Variants in KIF21B observed in about 807,000 individuals in gnomAD.
KIF21B encodes the protein kinesin-like protein KIF21B.
Under a neutral mutation model 192.9 loss-of-function variants are expected in KIF21B, and 85 were observed. That is an observed-to-expected ratio of 0.44 (90% CI 0.37 to 0.53). The LOEUF is 0.53. Ranked by LOEUF, KIF21B falls within the 20% of genes least tolerant of loss-of-function variation. KIF21B has a pLI of 0.00. For missense variants in KIF21B, 1,716 were observed against 2,194.8 expected (o/e 0.78, Z 4.36); for synonymous variants, 832 against 884.6 (o/e 0.94, Z 1.05).
chr1:201,013,623 G>T (rs982646328), intron 1 of KIF21B, among the ~76,000 whole-genome samples: 1 of 152,178 alleles, frequency 6.6e-6, no homozygotes, highest in Non-Finnish European at 1.5e-5. Flanking sequence ...CTCACAAAGT[G>T]CTGGGATTAC....
intron 16 of KIF21B, 125 bp downstream of exon 16, chr1:200,992,157 T>C: frequency 1.3e-6 from 1 of 758,958 alleles, no homozygotes; most frequent in Non-Finnish European, 2.2e-6. Flanking sequence ...CCTCCAAGCA[T>C]GACCATTACC....
intron 3 of KIF21B, among the ~76,000 whole-genome samples, chr1:201,007,209 C>T (rs28615763): frequency 2.0e-5 from 3 of 149,650 alleles, no homozygotes; most frequent in Non-Finnish European, 4.4e-5. Flanking sequence ...GACACACACA[C>T]ACACAGAGAC....
In KIF21B at chr1:200,998,847, C is replaced by T. The variant is rs1011124143; in HGVS notation, c.1886-272G>A. ...CCCAGCCATTCGAGGCCAGCATCCA[C>T]CTGTTCCAGATGACATGGGACCAGC... On this transcript the variant is annotated intron_variant, in intron 13 of 34. Transcript: ENST00000461742. The surrounding 1 kb of genome is among the most constrained non-coding windows in gnomAD (Gnocchi z 4.3). 1.3e-5 allele frequency among the ~76,000 whole-genome samples: 2 copies of T among 152,188 alleles called. No individual in the cohort carries two copies. The highest frequency in any genetic ancestry group is 4.8e-5 in the African/African-American group (2 of 41,442).
chr1:201,013,862 GT>G (rs1034030385), intron 1 of KIF21B, among the ~76,000 whole-genome samples: 7 of 152,230 alleles, frequency 4.6e-5, no homozygotes, highest in African/African-American at 1.7e-4. Flanking sequence ...TGTCAGTAAA[GT>G]TTTGCGGCCC....
At chr1:200,977,988 C>G (rs1408997588) in intron 30 of KIF21B, among the ~76,000 whole-genome samples, 1 of 151,920 alleles carries the variant, frequency 6.6e-6, no homozygotes, top group African/African-American at 2.4e-5. Context: ...CCTGCCTCAG[C>G]CTCCCAAAGT....
chr1:200,996,403 C>T lies in KIF21B; in HGVS notation c.2078-8G>A, dbSNP rs200724989. The T allele has an allele frequency of 1.7e-5, 28 of 1,613,096 alleles. 1 individual carries two copies. The South Asian group carries it at 3.0e-4, about 17-fold the overall frequency. On this transcript the variant is annotated splice_polypyrimidine_tract_variant and splice_region_variant and intron_variant, in intron 14 of 34. Transcript: ENST00000461742. ...TATAGCACTCCATGGTGCCTGAGAG[C>T]AAGGAGACGCAGCTGTCGGTGCTGG...
chr1:200,990,401 A>G lies in KIF21B; in HGVS notation c.2836-69T>C. On this transcript the variant is annotated intron_variant, in intron 19 of 34. Coordinates refer to ENST00000461742, the MANE Select transcript of KIF21B (RefSeq NM_001252102.2). This position sits in a 1 kb window ranked among gnomAD's most constrained non-coding sequence, Gnocchi z 5.4. ...CTCAGGTAGCTGCCAAGCCCTGCCC[A>G]TAGCTTCCACCACAGGCTGGCCTGT... 6.6e-7 allele frequency: 1 copy of G among 1,506,548 alleles called. No homozygotes were observed. Among genetic ancestry groups the G allele is most frequent in the Non-Finnish European group, 9.0e-7 (1 of 1,114,562 alleles). The allele number at this position is 1,506,548 out of a possible 1,614,324, so 93.3% of individuals were successfully genotyped here. A position where few individuals can be genotyped will look rare whatever the true frequency, so the allele number is the denominator to read the frequency against.
At position 201,023,370 on chromosome 1, in the gene KIF21B, C is replaced by T. The variant is rs1451627271; in HGVS notation, c.14G>A (p.Gly5Glu). 4.5e-5 allele frequency: 68 copies of T among 1,527,912 alleles called. No individual in the cohort carries two copies. The highest frequency in any genetic ancestry group is 5.6e-5 in the Non-Finnish European group (64 of 1,140,050). 94.6% of individuals were successfully genotyped at this position (1,527,912 alleles called of 1,614,324 possible). Residue 5 changes from glycine to glutamate, a missense_variant, in exon 1 of 35, where the codon GGG becomes GAG. Physicochemically the swap from Gly to Glu is moderately conservative, Grantham distance 98. This residue lies in a region of KIF21B where 1,087 missense variants were observed against 1,316.6 expected (regional missense o/e 0.83). Coordinates refer to ENST00000461742, the MANE Select transcript of KIF21B (RefSeq NM_001252102.2). The surrounding 1 kb of genome is among the most constrained non-coding windows in gnomAD (Gnocchi z 5.9). MAGQ[G>E]DCCVKVAVRI... Reference sequence around the variant, plus strand: ...GACGGCCACCTTGACGCAGCAGTCCCCCTGGCCGGCCATGGCCCTCTGGAG... The same window carrying T: ...GACGGCCACCTTGACGCAGCAGTCCTCCTGGCCGGCCATGGCCCTCTGGAG...
chr1:200,984,839 T>G lies in KIF21B; in HGVS notation c.3803+20A>C, dbSNP rs374540738. On this transcript the variant is annotated intron_variant, in intron 27 of 34. Coordinates refer to ENST00000461742, the MANE Select transcript of KIF21B (RefSeq NM_001252102.2). The stretch of plus-strand genomic sequence containing the variant: ...TGCCACCTCAGTGCCCTCCCCCACT[T>G]GCCCTCCAGCCCTGCTTACTTGTCC... 2 of 1,503,420 alleles carry G rather than the reference T, an allele frequency of 1.3e-6. No homozygotes were observed. The highest frequency in any genetic ancestry group is 1.8e-6 in the Non-Finnish European group (2 of 1,119,860). The allele number at this position is 1,503,420 out of a possible 1,614,324, so 93.1% of individuals were successfully genotyped here.
Position 200,975,963 on chromosome 1 carries a change from C to T in KIF21B, c.4444-294G>A, listed in dbSNP as rs1246516199. 6.6e-6 allele frequency among the ~76,000 whole-genome samples: 1 copy of T among 152,174 alleles called. No homozygotes were observed. Among genetic ancestry groups the T allele is most frequent in the Non-Finnish European group, 1.5e-5 (1 of 68,030 alleles). On this transcript the variant is annotated intron_variant, in intron 32 of 34. Transcript: ENST00000461742. This position sits in a 1 kb window ranked among gnomAD's most constrained non-coding sequence, Gnocchi z 4.3. ...GGTGAATCAGCTCATCACGCCGAGA[C>T]CCCACAGCTCAACAGGCAGCTGCTA...
chr1:200,988,131 C>G (rs1292660473), intron 24 of KIF21B, among the ~76,000 whole-genome samples, 165 bp downstream of exon 24: 1 of 152,226 alleles, frequency 6.6e-6, no homozygotes, highest in Admixed American at 6.5e-5. Context: ...GGTTACATAT[C>G]TGGACAACCC....
intron 1 of KIF21B, among the ~76,000 whole-genome samples, chr1:201,022,092 C>T (rs575830228): frequency 1.3e-5 from 2 of 152,340 alleles, no homozygotes; most frequent in African/African-American, 4.8e-5. Flanking sequence ...CAATCTCCTT[C>T]CCTTCACCCA....
chr1:201,023,485 G>A lies in KIF21B; in HGVS notation c.-102C>T. The A allele has an allele frequency of 1.3e-6, 1 of 791,932 alleles. No individual in the cohort carries two copies. The highest frequency in any genetic ancestry group is 1.7e-6 in the Non-Finnish European group (1 of 592,284). 49.1% of individuals were successfully genotyped at this position (791,932 alleles called of 1,614,324 possible). Reference sequence around the variant, plus strand: ...CTGCGGGAGGCGGGGGCGCGGGCGCGGCTGGCGGAGGCTGCGGCGGCGGCG... The same window carrying A: ...CTGCGGGAGGCGGGGGCGCGGGCGCAGCTGGCGGAGGCTGCGGCGGCGGCG... On this transcript the variant is annotated 5_prime_UTR_variant, in exon 1 of 35. Coordinates refer to ENST00000461742, the MANE Select transcript of KIF21B (RefSeq NM_001252102.2). This position sits in a 1 kb window ranked among gnomAD's most constrained non-coding sequence, Gnocchi z 5.9.
Position 200,992,299 on chromosome 1 carries a change from CCTT to C in KIF21B, c.2365_2367del (p.Lys789del). 1 of 1,612,472 alleles carries C rather than the reference CCTT, an allele frequency of 6.2e-7. No individual in the cohort carries two copies. The highest frequency in any genetic ancestry group is 8.5e-7 in the Non-Finnish European group (1 of 1,180,032). ...CCCCTCACCTCCTGTCGCCGCTGCT[CCTT>C]CTTGAGCTGTGCGATCTCCCGGTTC... On this transcript the variant is annotated inframe_deletion, in exon 16 of 35. Coordinates refer to ENST00000461742, the MANE Select transcript of KIF21B (RefSeq NM_001252102.2).
Position 200,982,872 on chromosome 1 carries a change from C to T in KIF21B, c.3842+184G>A, listed in dbSNP as rs116347421. ...GGCGCAGTCCAAGGCCTTGTGGCCA[C>T]CCTGAGAGAGAGGAACCATGGGGGC... is the stretch of plus-strand genomic sequence containing the variant. On this transcript the variant is annotated intron_variant, in intron 28 of 34. Transcript: ENST00000461742. The surrounding 1 kb of genome is among the most constrained non-coding windows in gnomAD (Gnocchi z 4.7). 7.7e-3 allele frequency among the ~76,000 whole-genome samples: 1,177 copies of T among 152,238 alleles called. 23 individuals are homozygous for T. Among genetic ancestry groups the T allele is most frequent in the African/African-American group, 0.027 (1,137 of 41,534 alleles).
chr1:201,008,863 G>C lies in KIF21B; in HGVS notation c.353C>G (p.Ala118Gly), dbSNP rs922165535. 4 of 1,611,028 alleles carry C rather than the reference G, an allele frequency of 2.5e-6. No homozygotes were observed. In the African/African-American group the frequency reaches 5.3e-5, roughly 21 times the overall value. ...EEQGIIPRAIAHLFGGIAERK... is the reference protein window; with the variant it reads ...EEQGIIPRAIGHLFGGIAERK... ...CTCGGCAATGCCCCCAAAGAGGTGT[G>C]CGATGGCCCTCGGGATGATGCCCTG... is the stretch of plus-strand genomic sequence containing the variant. Residue 118 changes from alanine (A) to glycine (G), a missense_variant, in exon 3 of 35, where the codon GCA (alanine) becomes GGA (glycine). Transcript: ENST00000461742.
rs756009458 is a variant in KIF21B, at chr1:200,973,578, A to G, written c.4815T>C (p.Ser1605=). ...CACTCCAGAACTTCACCGTCAGGTC[A>G]CTGGGGTGGAGGACAAAGTGGAGGG... ...TNAKHIFTAS[S]DLTVKFWSVR... is the part of the protein sequence containing the mutation. Residue 1605 remains serine, a splice_region_variant and synonymous_variant, in exon 35 of 35, where the codon AGT becomes AGC. Transcript: ENST00000461742. The G allele has an allele frequency of 6.6e-7, 1 of 1,519,404 alleles. No homozygotes were observed. The highest frequency in any genetic ancestry group is 1.2e-5 in the South Asian group (1 of 81,760). The allele number at this position is 1,519,404 out of a possible 1,614,324, so 94.1% of individuals were successfully genotyped here. A position where few individuals can be genotyped will look rare whatever the true frequency, so the allele number is the denominator to read the frequency against.
chr1:201,003,059 C>T (rs1242238505), intron 8 of KIF21B: 2 of 166,134 alleles, frequency 1.2e-5, no homozygotes, highest in South Asian at 1.5e-4. Flanking sequence ...AATGGCTGTC[C>T]CATCTCATTT....
rs367815533 is a variant in KIF21B at position 201,004,846 on chromosome 1, G to A, written c.820C>T (p.Leu274=). 3.1e-6 allele frequency: 5 copies of A among 1,614,154 alleles called. No homozygotes were observed. Among genetic ancestry groups the A allele is most frequent in the Non-Finnish European group, 4.2e-6 (5 of 1,180,028 alleles). Residue 274 remains leucine, a synonymous_variant, in exon 6 of 35, where the codon CTG becomes TTG. Coordinates refer to ENST00000461742, the MANE Select transcript of KIF21B (RefSeq NM_001252102.2). ...CGCTTCAGCCGCTCTGAGCCGGCCA[G>A]GTCCACAAAGTGAAACTTAGCAGTG... ...TLTAKFHFVD[L]AGSERLKRTG...
Sources: allele counts gnomAD v4.1 joint callset (sites outside exome capture counted in the v4.1 genomes callset), GRCh38; gene constraint gnomAD v4.1.1; regional missense constraint gnomAD v4.1.1; non-coding constraint Gnocchi (gnomAD v3.1); transcripts MANE v1.5; gene names NCBI Gene and HGNC (gene_info 2026-07-23, HGNC 2026-07-21).